STIP1: variants seen among roughly 807,000 people sequenced by gnomAD.
The protein encoded by STIP1 is stress-induced-phosphoprotein 1.
A neutral mutation model predicts 77.4 loss-of-function variants in STIP1; 16 were observed. The ratio of observed to expected loss-of-function variants is 0.21; its 90% CI spans 0.14 to 0.31. STIP1 has a LOEUF of 0.31. STIP1 is among the 10% of genes least tolerant of loss of function. STIP1 has a pLI of 1.00. For synonymous variants in STIP1, 258 were observed against 246.6 expected (o/e 1.05, Z -0.44); for missense variants, 524 against 684.8 (o/e 0.77, Z 2.62).
chr11:64,202,805 C>T, intron 10 of STIP1, 71 bp from the exon 11 acceptor site: 2 of 1,581,942 alleles, frequency 1.3e-6, no homozygotes, highest in Non-Finnish European at 8.7e-7. Context: ...TGGAAGTCCA[C>T]ATGCTTGAGT....
Position 64,204,187 on chromosome 11 carries a change from G to A in STIP1, c.*61G>A, listed in dbSNP as rs1172440028. On this transcript the variant is annotated 3_prime_UTR_variant, in exon 14 of 14. Coordinates refer to ENST00000305218, the MANE Select transcript of STIP1 (RefSeq NM_006819.3). ...TGGAAAGAGGAGCTGGGACCGCGGC[G>A]AGCAGCACGGAGCGGAAGGGAGAGC... is the stretch of plus-strand genomic sequence containing the variant. The A allele has an allele frequency of 9.0e-6, 14 of 1,551,850 alleles. No individual in the cohort carries two copies. Among genetic ancestry groups the A allele is most frequent in the African/African-American group, 4.1e-5 (3 of 73,260 alleles).
At chr11:64,185,763 C>T (rs1946005091), upstream of STIP1, 2 of 1,527,250 alleles carry the variant, frequency 1.3e-6, no homozygotes, top group Admixed American at 2.0e-5. Flanking sequence ...AACCAATCAG[C>T]GCAAAGAGTT....
In STIP1 at chr11:64,200,221, G is replaced by A. The variant is rs759993417; in HGVS notation, c.1173G>A (p.Pro391=). The A allele has an allele frequency of 5.6e-6, 9 of 1,614,014 alleles. No homozygotes were observed. The highest frequency in any genetic ancestry group is 5.3e-5 in the African/African-American group (4 of 74,918). ...KHYTEAIKRN[P]KDAKLYSNRA... Reference sequence around the variant, plus strand: ...ATACAGAAGCCATCAAAAGGAACCCGAAAGATGCCAAATTATACAGCAATC... The same window carrying A: ...ATACAGAAGCCATCAAAAGGAACCCAAAAGATGCCAAATTATACAGCAATC... Residue 391 remains proline (P), a synonymous_variant, in exon 10 of 14, where the codon CCG becomes CCA. Transcript: ENST00000305218.
At chr11:64,201,260 C>CA (rs977543414) in intron 10 of STIP1, among the ~76,000 whole-genome samples, 3 of 152,152 alleles carry the variant, frequency 2.0e-5, no homozygotes, top group African/African-American at 7.2e-5. Flanking sequence ...AGGCTGGTCT[C>CA]AAACTCCTGG....
Position 64,204,201 on chromosome 11 carries a change from G to A in STIP1, c.*75G>A, listed in dbSNP as rs574398900. 1.2e-5 allele frequency: 18 copies of A among 1,481,940 alleles called. No individual in the cohort carries two copies. The highest frequency in any genetic ancestry group is 6.8e-5 in the East Asian group (3 of 44,206). The allele number at this position is 1,481,940 out of a possible 1,614,324, so 91.8% of individuals were successfully genotyped here. A position where few individuals can be genotyped will look rare whatever the true frequency, so the allele number is the denominator to read the frequency against. On this transcript the variant is annotated 3_prime_UTR_variant, in exon 14 of 14. Transcript: ENST00000305218. ...GGGACCGCGGCGAGCAGCACGGAGC[G>A]GAAGGGAGAGCAGGGGAGAGAAGGC...
In STIP1 at chr11:64,197,569, C is replaced by T; in HGVS notation, c.876C>T (p.Asn292=). 1 of 1,614,154 alleles carries T rather than the reference C, an allele frequency of 6.2e-7. No homozygotes were observed. Among genetic ancestry groups the T allele is most frequent in the South Asian group, 1.1e-5 (1 of 91,070 alleles). ...CEKAIEVGRE[N]REDYRQIAKA... ...AGGCCATTGAAGTGGGGAGAGAAAA[C>T]CGAGAAGACTATCGACAGATTGCCA... Residue 292 remains asparagine, a synonymous_variant, in exon 7 of 14, where the codon AAC becomes AAT. Coordinates refer to ENST00000305218, the MANE Select transcript of STIP1 (RefSeq NM_006819.3).
upstream of STIP1, chr11:64,185,980 T>C: frequency 6.5e-7 from 1 of 1,540,140 alleles, no homozygotes; most frequent in Non-Finnish European, 8.7e-7. Context: ...GATGGGTGGG[T>C]TTATAGAGGA....
chr11:64,195,412 C>T (rs185593343), intron 4 of STIP1, among the ~76,000 whole-genome samples: 10 of 151,950 alleles, frequency 6.6e-5, no homozygotes, highest in African/African-American at 1.7e-4. Flanking sequence ...CACCGTGCTC[C>T]GCTATCTGTG....
At chr11:64,193,537 A>G (rs1407977696) in intron 2 of STIP1, 2 of 475,874 alleles carry the variant, frequency 4.2e-6, no homozygotes, top group Non-Finnish European at 7.7e-6. Flanking sequence ...TGATCCCAAC[A>G]CTTTGGGAGG....
At chr11:64,203,668 A>C in intron 13 of STIP1, 46 bp downstream of exon 13, 1 of 1,613,096 alleles carries the variant, frequency 6.2e-7, no homozygotes, top group Non-Finnish European at 8.5e-7. Context: ...GGAGAACAAA[A>C]GCAGGCAGAT....
chr11:64,186,198 G>A lies in STIP1; in HGVS notation c.-64G>A. On this transcript the variant is annotated 5_prime_UTR_variant, in exon 1 of 14. Transcript: ENST00000305218. ...CTTCTAGTAGGTTCCAGAAGGCGGC[G>A]CGTGCGGTTGGGAACGCGGAGCGGA... is the stretch of plus-strand genomic sequence containing the variant. 2 of 1,550,804 alleles carry A rather than the reference G, an allele frequency of 1.3e-6. No homozygotes were observed. The highest frequency in any genetic ancestry group is 1.7e-6 in the Non-Finnish European group (2 of 1,146,938).
chr11:64,198,881 A>G (rs928682308), intron 8 of STIP1, among the ~76,000 whole-genome samples: 1 of 150,440 alleles, frequency 6.6e-6, no homozygotes, highest in Admixed American at 6.7e-5. Context: ...ACTATTTTAT[A>G]AAGACTGTAA....
upstream of STIP1, chr11:64,185,637 A>G: frequency 2.7e-6 from 2 of 734,350 alleles, no homozygotes; most frequent in Non-Finnish European, 4.3e-6. Context: ...GCGAGAGGGA[A>G]AGCAACCCAG....
In STIP1 at chr11:64,186,216, G is replaced by C; in HGVS notation, c.-46G>C. On this transcript the variant is annotated 5_prime_UTR_variant, in exon 1 of 14. Coordinates refer to ENST00000305218, the MANE Select transcript of STIP1 (RefSeq NM_006819.3). The stretch of plus-strand genomic sequence containing the variant: ...AGGCGGCGCGTGCGGTTGGGAACGC[G>C]GAGCGGACGGATTCGATTCAACGGG... 6.4e-7 allele frequency: 1 copy of C among 1,550,838 alleles called. No homozygotes were observed. The highest frequency in any genetic ancestry group is 8.7e-7 in the Non-Finnish European group (1 of 1,146,974).
At chr11:64,199,847 G>A (rs1946196195) in intron 8 of STIP1, 93 bp from the exon 9 acceptor site, 13 of 1,461,322 alleles carry the variant, frequency 8.9e-6, no homozygotes, top group Non-Finnish European at 1.1e-5. Flanking sequence ...ACAGGCGTGA[G>A]CCACCGCGCC....
rs1020582385 is a variant in STIP1, at chr11:64,200,308, G to A, written c.1245+15G>A. The A allele has an allele frequency of 2.5e-6, 4 of 1,598,164 alleles. No individual in the cohort carries two copies. Among genetic ancestry groups the A allele is most frequent in the Non-Finnish European group, 3.4e-6 (4 of 1,173,968 alleles). ...TGGCACTCAAGGTGACGAGACCTGT[G>A]GGGGCGGCCATTACTGAAAGCCTGC... On this transcript the variant is annotated intron_variant, in intron 10 of 13. Transcript: ENST00000305218.
chr11:64,203,126 C>A lies in STIP1; in HGVS notation c.1284C>A (p.Ile428=). Reference sequence around the variant, plus strand: ...ACGCGCCACCTTTCCTGTTTGTAGTCAAGGGTTATACACGGAAAGCCGCTG... The same window carrying A: ...ACGCGCCACCTTTCCTGTTTGTAGTAAAGGGTTATACACGGAAAGCCGCTG... ...EECIQLEPTF[I]KGYTRKAAAL... Residue 428 remains isoleucine (I), a splice_region_variant and synonymous_variant, in exon 12 of 14, where the codon ATC becomes ATA. Coordinates refer to ENST00000305218, the MANE Select transcript of STIP1 (RefSeq NM_006819.3). The A allele has an allele frequency of 6.2e-7, 1 of 1,614,128 alleles. No homozygotes were observed. The highest frequency in any genetic ancestry group is 1.1e-5 in the South Asian group (1 of 91,028).
upstream of STIP1, chr11:64,185,680 A>G (rs1231269573): frequency 8.6e-7 from 1 of 1,159,856 alleles, no homozygotes; most frequent in African/African-American, 1.6e-5. Flanking sequence ...ACAGCTACAG[A>G]CCCCGACTGC....
At chr11:64,203,653 G>A in intron 13 of STIP1, 31 bp downstream of exon 13, 1 of 1,613,886 alleles carries the variant, frequency 6.2e-7, no homozygotes, top group Non-Finnish European at 8.5e-7. Flanking sequence ...GGCCTTGCTG[G>A]AAATGGAGAA....
Sources: gnomAD v4.1 joint callset for allele counts (sites outside exome capture counted in the v4.1 genomes callset) on GRCh38, gnomAD v4.1.1 for gene constraint, MANE v1.5 for transcripts, NCBI Gene and HGNC (gene_info 2026-07-23, HGNC 2026-07-21) for gene names.